The following RAB11FIP4 variants were observed in gnomAD, a reference collection of about 807,000 sequenced individuals.
RAB11FIP4 encodes the protein rab11 family-interacting protein 4.
RAB11FIP4 carries 23 observed loss-of-function variants against 74.3 expected under a neutral mutation model. The ratio of observed to expected loss-of-function variants is 0.31; its 90% CI spans 0.22 to 0.44. RAB11FIP4 has a LOEUF of 0.44. Ranked by LOEUF, RAB11FIP4 falls within the 20% of genes least tolerant of loss-of-function variation. The pLI, the probability that RAB11FIP4 is intolerant of heterozygous loss-of-function variation, is 1.00. For missense variants in RAB11FIP4, 630 were observed against 863.9 expected (o/e 0.73, Z 3.39); for synonymous variants, 360 against 359.9 (o/e 1.00, Z 0.00).
intron 3 of RAB11FIP4, among the ~76,000 whole-genome samples, chr17:31,447,443 A>G (rs555366479): frequency 1.8e-4 from 28 of 152,404 alleles, no homozygotes; most frequent in African/African-American, 6.2e-4. Flanking sequence ...AGCCTGGGCA[A>G]CAGAGCAAGA....
chr17:31,428,399 C>T (rs946660132), intron 1 of RAB11FIP4, among the ~76,000 whole-genome samples: 3 of 152,182 alleles, frequency 2.0e-5, no homozygotes, highest in Non-Finnish European at 2.9e-5. Context: ...ACACTGACAA[C>T]AGTGACTGTG....
Position 31,434,080 on chromosome 17 carries a change from G to A in RAB11FIP4, c.294G>A (p.Gly98=), listed in dbSNP as rs73988056. Residue 98 remains glycine, a synonymous_variant, in exon 3 of 15, where the codon GGG becomes GGA. Coordinates refer to ENST00000621161, the MANE Select transcript of RAB11FIP4 (RefSeq NM_032932.6). ...LKDVLSVESA[G]TLPCAPEIPD... is the part of the protein sequence containing the mutation. ...ATGTGCTGTCGGTGGAGAGCGCGGGGACGCTGCCGTGCGCGCCAGAGATCC... is the reference window on the plus strand; with the variant it reads ...ATGTGCTGTCGGTGGAGAGCGCGGGAACGCTGCCGTGCGCGCCAGAGATCC... The A allele has an allele frequency of 3.2e-3, 5,100 of 1,587,388 alleles. 120 individuals carry two copies. The African/African-American group carries it at 0.054, about 17-fold the overall frequency.
chr17:31,495,406 G>A (rs957763935), intron 3 of RAB11FIP4, among the ~76,000 whole-genome samples: 13 of 128,768 alleles, frequency 1.0e-4, no homozygotes, highest in African/African-American at 3.0e-4. Flanking sequence ...ACAGGGTTTC[G>A]CATTTCTGCC....
At chr17:31,507,966 A>G (rs2072383768) in intron 3 of RAB11FIP4, among the ~76,000 whole-genome samples, 1 of 152,112 alleles carries the variant, frequency 6.6e-6, no homozygotes. Flanking sequence ...AGTTGGGACA[A>G]CAGGCATGCG....
chr17:31,517,743 G>A lies in RAB11FIP4; in HGVS notation c.429G>A (p.Thr143=), dbSNP rs766998672. 4.4e-6 allele frequency: 7 copies of A among 1,590,370 alleles called. No individual in the cohort carries two copies. Among genetic ancestry groups the A allele is most frequent in the African/African-American group, 2.7e-5 (2 of 74,826 alleles). ...FFPEDEEEAM[T]LAPPEGPQEL... Reference sequence around the variant, plus strand: ...CCGAGGACGAGGAGGAGGCTATGACGCTGGCGCCACCTGAGGGCCCCCAGG... The same window carrying A: ...CCGAGGACGAGGAGGAGGCTATGACACTGGCGCCACCTGAGGGCCCCCAGG... The change falls in exon 4 of 15, where the codon ACG becomes ACA. Residue 143 remains threonine (T), a synonymous_variant. Coordinates refer to ENST00000621161, the MANE Select transcript of RAB11FIP4 (RefSeq NM_032932.6).
intron 4 of RAB11FIP4, among the ~76,000 whole-genome samples, chr17:31,519,329 T>G (rs1476961179): frequency 6.6e-6 from 1 of 152,146 alleles, no homozygotes; most frequent in East Asian, 1.9e-4. Context: ...ATCATTTTAA[T>G]TACTTCCCAT....
chr17:31,514,075 G>A (rs2072501561), intron 3 of RAB11FIP4, among the ~76,000 whole-genome samples: 1 of 152,266 alleles, frequency 6.6e-6, no homozygotes, highest in South Asian at 2.1e-4. Flanking sequence ...AAGGCTGAAA[G>A]CCTGCCCGAG....
In RAB11FIP4 at chr17:31,505,504, T is replaced by A. The variant is rs1298359446; in HGVS notation, c.337-12147T>A. Among the ~76,000 whole-genome samples, 63 of 64,802 alleles carry A rather than the reference T, an allele frequency of 9.7e-4. 3 individuals carry two copies. Among genetic ancestry groups the A allele is most frequent in the African/African-American group, 2.9e-3 (49 of 16,848 alleles). The allele number at this position is 64,802 out of a possible 152,430, so 42.5% of individuals were successfully genotyped here. ...TAATATATAATATATAATTATTATA[T>A]TATATATAATAATTATATATTATAT... On this transcript the variant is annotated intron_variant, in intron 3 of 14. Coordinates refer to ENST00000621161, the MANE Select transcript of RAB11FIP4 (RefSeq NM_032932.6).
At chr17:31,471,389 C>T (rs1168750928) in intron 3 of RAB11FIP4, among the ~76,000 whole-genome samples, 1 of 151,892 alleles carries the variant, frequency 6.6e-6, no homozygotes, top group Non-Finnish European at 1.5e-5. Flanking sequence ...TTTAAGTGTC[C>T]AGGATTATAA....
intron 3 of RAB11FIP4, among the ~76,000 whole-genome samples, chr17:31,459,462 T>C (rs923216499): frequency 6.6e-6 from 1 of 151,916 alleles, no homozygotes; most frequent in Non-Finnish European, 1.5e-5. Context: ...ATCTGACACA[T>C]CCTCAGTTCC....
At chr17:31,426,790 C>CGG (rs2071256024) in intron 1 of RAB11FIP4, among the ~76,000 whole-genome samples, 1 of 151,578 alleles carries the variant, frequency 6.6e-6, no homozygotes, top group Non-Finnish European at 1.5e-5. Flanking sequence ...TTAGTAGAGA[C>CGG]GGGGTTTCAC....
chr17:31,475,652 G>A (rs1158860970), intron 3 of RAB11FIP4, among the ~76,000 whole-genome samples: 1 of 152,136 alleles, frequency 6.6e-6, no homozygotes, highest in African/African-American at 2.4e-5. Flanking sequence ...CATTCTCACG[G>A]TGGTGAAGAT....
At chr17:31,484,050 G>A (rs1597945241) in intron 3 of RAB11FIP4, among the ~76,000 whole-genome samples, 2 of 150,882 alleles carry the variant, frequency 1.3e-5, no homozygotes, top group East Asian at 2.0e-4. Flanking sequence ...CTTCAGCCTA[G>A]GCAACAGAGC....
chr17:31,398,808 G>C (rs950305728), intron 1 of RAB11FIP4, among the ~76,000 whole-genome samples: 1 of 152,214 alleles, frequency 6.6e-6, no homozygotes, highest in African/African-American at 2.4e-5. Context: ...GCTGGGCCAG[G>C]AGATTCCTGT....
At chr17:31,431,631 G>A in intron 1 of RAB11FIP4, 182 bp from the exon 2 acceptor site, 1 of 551,518 alleles carries the variant, frequency 1.8e-6, no homozygotes, top group East Asian at 3.6e-5. Flanking sequence ...CTTTGCCCGA[G>A]TTGTCTGTCA....
At chr17:31,432,109 T>C (rs892904877) in intron 2 of RAB11FIP4, among the ~76,000 whole-genome samples, 8 of 152,184 alleles carry the variant, frequency 5.3e-5, no homozygotes, top group African/African-American at 9.6e-5. Context: ...GTCTCACCCA[T>C]GGAAGTCACT....
intron 3 of RAB11FIP4, among the ~76,000 whole-genome samples, chr17:31,460,997 C>T (rs2071628543): frequency 6.6e-6 from 1 of 151,874 alleles, no homozygotes; most frequent in Non-Finnish European, 1.5e-5. Flanking sequence ...CCCCCTACCA[C>T]CCACAGCCTC....
At chr17:31,488,289 G>C in intron 3 of RAB11FIP4, 1 of 1,175,622 alleles carries the variant, frequency 8.5e-7, no homozygotes, top group Non-Finnish European at 1.1e-6. Flanking sequence ...GGCGGCCCCG[G>C]GGCTGGCGCT....
chr17:31,518,067 A>G (rs1306779033), intron 4 of RAB11FIP4, among the ~76,000 whole-genome samples, 190 bp downstream of exon 4: 1 of 152,172 alleles, frequency 6.6e-6, no homozygotes, highest in East Asian at 1.9e-4. Context: ...ATAGTTTTGG[A>G]ATTTTAGGCA....
Sources: gnomAD v4.1 joint callset for allele counts (sites outside exome capture counted in the v4.1 genomes callset) on GRCh38, gnomAD v4.1.1 for gene constraint, MANE v1.5 for transcripts, NCBI Gene and HGNC (gene_info 2026-07-23, HGNC 2026-07-21) for gene names.